GRM8: variants seen among roughly 807,000 people sequenced by gnomAD.
GRM8 encodes metabotropic glutamate receptor 8.
GRM8 carries 47 observed loss-of-function variants against 87.2 expected under a neutral mutation model. That is an observed-to-expected ratio of 0.54 (90% CI 0.43 to 0.69). The LOEUF (loss-of-function observed/expected upper bound fraction) is 0.69. GRM8 is among the 30% of genes least tolerant of loss of function. The probability of loss-of-function intolerance (pLI) is 0.00; values close to 1 mark genes in which losing one functional copy is unlikely to be tolerated. For synonymous variants in GRM8, 396 were observed against 404.5 expected (o/e 0.98, Z 0.25); for missense variants, 1,019 against 1,139.2 (o/e 0.89, Z 1.52).
chr7:126,938,632 AG>A (rs1806582851), intron 3 of GRM8, among the ~76,000 whole-genome samples: 1 of 152,336 alleles, frequency 6.6e-6, no homozygotes, highest in Admixed American at 6.5e-5. Flanking sequence ...CATTTGAATA[AG>A]TAAAACTATA....
intron 3 of GRM8, among the ~76,000 whole-genome samples, chr7:126,967,551 G>A (rs1278008734): frequency 6.0e-5 from 9 of 150,566 alleles, no homozygotes; most frequent in Non-Finnish European, 3.0e-5. Context: ...CATCCCTTGA[G>A]AAAAAAAAAA....
chr7:126,657,446 A>G (rs1201017235), intron 7 of GRM8, among the ~76,000 whole-genome samples: 2 of 152,206 alleles, frequency 1.3e-5, no homozygotes, highest in African/African-American at 4.8e-5. Context: ...ATACAATTCC[A>G]ATTTACAAAC....
At chr7:126,964,007 C>T (rs1054019892) in intron 3 of GRM8, among the ~76,000 whole-genome samples, 1 of 152,122 alleles carries the variant, frequency 6.6e-6, no homozygotes, top group East Asian at 1.9e-4. Flanking sequence ...TCAGAAATAA[C>T]ACCAAACATC....
chr7:126,875,287 A>C (rs1447645474), intron 6 of GRM8, among the ~76,000 whole-genome samples: 5 of 152,064 alleles, frequency 3.3e-5, no homozygotes, highest in Non-Finnish European at 5.9e-5. Flanking sequence ...AGGAAAAAAA[A>C]AAACAAACAG....
At chr7:127,050,313 C>T (rs187227354) in intron 3 of GRM8, among the ~76,000 whole-genome samples, 2 of 152,180 alleles carry the variant, frequency 1.3e-5, no homozygotes, top group East Asian at 3.9e-4. Context: ...CCCTCATTTT[C>T]GGACAGGGAG....
At chr7:126,609,550 T>A (rs759149166) in intron 7 of GRM8, 52 bp from the exon 8 acceptor site, 2 of 1,411,802 alleles carry the variant, frequency 1.4e-6, no homozygotes, top group Admixed American at 2.0e-5. Context: ...GATAGCCCAC[T>A]GGGTTTATTT....
chr7:126,889,737 A>G (rs540941417), intron 6 of GRM8, among the ~76,000 whole-genome samples: 1 of 152,248 alleles, frequency 6.6e-6, no homozygotes. Context: ...AACCTGTGAG[A>G]AATTAGTTTA....
In GRM8 at chr7:126,713,286, A is replaced by G. The variant is rs145955325; in HGVS notation, c.1357+56579T>C. Among the ~76,000 whole-genome samples, 1,049 of 152,292 alleles carry G rather than the reference A, an allele frequency of 6.9e-3. 16 individuals are homozygous for G. The highest frequency in any genetic ancestry group is 0.024 in the African/African-American group (990 of 41,558). The stretch of plus-strand genomic sequence containing the variant: ...CAGTCATAAAAAAGAATGAGTTCAT[A>G]TCCTCTGCAGGGACAGGGATGAAGC... On this transcript the variant is annotated intron_variant, in intron 7 of 10. Transcript: ENST00000339582.
At chr7:126,747,861 T>C (rs1387507675) in intron 7 of GRM8, among the ~76,000 whole-genome samples, 1 of 151,990 alleles carries the variant, frequency 6.6e-6, no homozygotes, top group African/African-American at 2.4e-5. Context: ...AGATAAACAC[T>C]ACCTCGGTAT....
chr7:126,467,593 T>C (rs1454858304), intron 9 of GRM8, among the ~76,000 whole-genome samples: 1 of 152,036 alleles, frequency 6.6e-6, no homozygotes, highest in Admixed American at 6.6e-5. Flanking sequence ...TACATCTGTA[T>C]TTATAAGTAT....
chr7:126,601,994 T>C (rs1292527279), intron 8 of GRM8, among the ~76,000 whole-genome samples: 2 of 123,390 alleles, frequency 1.6e-5, no homozygotes. Context: ...GTTTTGGACA[T>C]GAAGTCCTTG....
intron 7 of GRM8, among the ~76,000 whole-genome samples, chr7:126,759,244 T>G (rs1817339348): frequency 6.6e-6 from 1 of 152,056 alleles, no homozygotes; most frequent in African/African-American, 2.4e-5. Context: ...CTTAATGTAA[T>G]TATAAAAGTT....
At chr7:126,835,220 T>C (rs1409630336) in intron 6 of GRM8, among the ~76,000 whole-genome samples, 1 of 152,222 alleles carries the variant, frequency 6.6e-6, no homozygotes, top group Non-Finnish European at 1.5e-5. Context: ...AAACTACTGA[T>C]GTTTCAAGTA....
chr7:126,915,787 C>T (rs911884293), intron 3 of GRM8, among the ~76,000 whole-genome samples: 1 of 152,080 alleles, frequency 6.6e-6, no homozygotes, highest in African/African-American at 2.4e-5. Flanking sequence ...GAGAGAAAAC[C>T]CAGTCCAGAG....
intron 6 of GRM8, among the ~76,000 whole-genome samples, chr7:126,863,359 A>G (rs544063399): frequency 6.6e-6 from 1 of 152,284 alleles, no homozygotes; most frequent in South Asian, 2.1e-4. Context: ...AATACCAACT[A>G]ACATTTTTCA....
chr7:126,805,852 A>G (rs1347837020), intron 6 of GRM8, among the ~76,000 whole-genome samples: 1 of 152,200 alleles, frequency 6.6e-6, no homozygotes, highest in African/African-American at 2.4e-5. Flanking sequence ...CATGAGTCCT[A>G]TAAGCCTATA....
At chr7:126,888,985 T>A (rs1285857453) in intron 6 of GRM8, among the ~76,000 whole-genome samples, 1 of 152,116 alleles carries the variant, frequency 6.6e-6, no homozygotes, top group Non-Finnish European at 1.5e-5. Context: ...TGGAATGACA[T>A]CACCTATTTG....
chr7:127,174,466 C>T (rs2116351725), intron 2 of GRM8, among the ~76,000 whole-genome samples: 1 of 152,278 alleles, frequency 6.6e-6, no homozygotes, highest in African/African-American at 2.4e-5. Flanking sequence ...CAAAGGATGT[C>T]TCCTGGTAGC....
intron 8 of GRM8, among the ~76,000 whole-genome samples, chr7:126,607,735 A>G (rs1798501674): frequency 6.6e-6 from 1 of 151,932 alleles, no homozygotes; most frequent in Admixed American, 6.6e-5. Flanking sequence ...TTTAGGGTAC[A>G]TGTGCACAAT....
Sources: allele counts gnomAD v4.1 joint callset (sites outside exome capture counted in the v4.1 genomes callset), GRCh38; gene constraint gnomAD v4.1.1; transcripts MANE v1.5; gene names NCBI Gene and HGNC (gene_info 2026-07-23, HGNC 2026-07-21).